Variants in FGF14 observed in about 807,000 individuals in gnomAD.
FGF14 encodes the protein fibroblast growth factor homologous factor 4.
A neutral mutation model predicts 25.5 loss-of-function variants in FGF14; 5 were observed. The observed-to-expected ratio is 0.20, with a 90% confidence interval of 0.10 to 0.41. The LOEUF (loss-of-function observed/expected upper bound fraction) is 0.41, where lower values mean the gene tolerates loss of function less well. Among genes scored for constraint, FGF14 ranks in the 10% least tolerant of loss-of-function variants. The pLI, the probability that FGF14 is intolerant of heterozygous loss-of-function variation, is 1.00. For missense variants in FGF14, 222 were observed against 320.1 expected (o/e 0.69, Z 2.34); for synonymous variants, 138 against 118.3 (o/e 1.17, Z -1.08).
chr13:101,922,248 C>T (rs2034054916), intron 1 of FGF14, among the ~76,000 whole-genome samples: 1 of 152,164 alleles, frequency 6.6e-6, no homozygotes, highest in Admixed American at 6.5e-5. Context: ...TCTTTAAGCA[C>T]CAAGACACCT....
chr13:102,243,717 A>G (rs1486335442), intron 1 of FGF14, among the ~76,000 whole-genome samples: 1 of 150,178 alleles, frequency 6.7e-6, no homozygotes, highest in Non-Finnish European at 1.5e-5. Flanking sequence ...AGAGAGTATG[A>G]CAATCCACCA....
chr13:101,973,597 G>A (rs1478943973), intron 1 of FGF14, among the ~76,000 whole-genome samples: 1 of 152,178 alleles, frequency 6.6e-6, no homozygotes, highest in Admixed American at 6.5e-5. Context: ...AGAAATTAGA[G>A]TCCAATGTTT....
At chr13:102,388,842 C>G (rs539175131) in intron 1 of FGF14, among the ~76,000 whole-genome samples, 63 of 152,300 alleles carry the variant, frequency 4.1e-4, no homozygotes, top group African/African-American at 1.5e-3. Flanking sequence ...GAAAAGTTCT[C>G]TAGTTCACTA....
chr13:102,008,430 A>G (rs1481956430), intron 1 of FGF14, among the ~76,000 whole-genome samples: 3 of 152,184 alleles, frequency 2.0e-5, no homozygotes, highest in Non-Finnish European at 4.4e-5. Context: ...GCACTTCCTA[A>G]GGCATCTGTG....
At chr13:102,197,977 T>C (rs556681116) in intron 1 of FGF14, among the ~76,000 whole-genome samples, 43 of 152,384 alleles carry the variant, frequency 2.8e-4, no homozygotes, top group African/African-American at 9.4e-4. Flanking sequence ...TCAGAAATCA[T>C]GGCGAAGCAA....
intron 1 of FGF14, among the ~76,000 whole-genome samples, chr13:101,887,347 C>CATAT (rs1286919794): frequency 8.4e-5 from 12 of 142,860 alleles, no homozygotes; most frequent in African/African-American, 3.1e-4. Flanking sequence ...TATATATATA[C>CATAT]ACACACACAC....
chr13:101,951,071 C>T (rs2036140086), intron 1 of FGF14, among the ~76,000 whole-genome samples: 1 of 152,040 alleles, frequency 6.6e-6, no homozygotes, highest in Non-Finnish European at 1.5e-5. Context: ...ATAGCTAGAG[C>T]TACAGCATGG....
chr13:102,283,292 T>C (rs1350396863), intron 1 of FGF14, among the ~76,000 whole-genome samples: 1 of 152,208 alleles, frequency 6.6e-6, no homozygotes, highest in East Asian at 1.9e-4. Flanking sequence ...AAATGTAGCC[T>C]TTAGCGACAT....
At chr13:102,234,043 G>A (rs557730170) in intron 1 of FGF14, among the ~76,000 whole-genome samples, 1 of 152,290 alleles carries the variant, frequency 6.6e-6, no homozygotes, top group African/African-American at 2.4e-5. Flanking sequence ...AGGGACTGGG[G>A]AAAGTGGAGA....
At chr13:102,151,234 T>TA (rs1377244575) in intron 1 of FGF14, among the ~76,000 whole-genome samples, 1 of 152,158 alleles carries the variant, frequency 6.6e-6, no homozygotes, top group African/African-American at 2.4e-5. Context: ...TAATGAGGTA[T>TA]ATGCCATGGA....
intron 1 of FGF14, among the ~76,000 whole-genome samples, chr13:102,040,869 T>C (rs2041698252): frequency 6.6e-6 from 1 of 152,098 alleles, no homozygotes. Flanking sequence ...TTGCAAAGAG[T>C]TTAAGATGCT....
At position 101,887,907 on chromosome 13, in the gene FGF14, C is replaced by A. The variant is rs372811333; in HGVS notation, c.194-12611G>T. 3.9e-5 allele frequency among the ~76,000 whole-genome samples: 6 copies of A among 152,172 alleles called. No individual in the cohort carries two copies. In the South Asian group the frequency reaches 6.2e-4, roughly 16 times the overall value. ...ACAATAAAAATGCTTGCTATAGATA[C>A]AAATTGTTAACATCTGGTCATTTTA... On this transcript the variant is annotated intron_variant, in intron 1 of 4. Coordinates refer to ENST00000376143, the MANE Select transcript of FGF14 (RefSeq NM_004115.4).
intron 1 of FGF14, among the ~76,000 whole-genome samples, chr13:102,228,054 T>A (rs533030793): frequency 2.0e-5 from 3 of 152,332 alleles, no homozygotes; most frequent in South Asian, 2.1e-4. Flanking sequence ...AACGTTTATG[T>A]TGACCAACAT....
At chr13:102,327,303 A>C (rs958658724) in intron 1 of FGF14, among the ~76,000 whole-genome samples, 3 of 152,204 alleles carry the variant, frequency 2.0e-5, no homozygotes, top group African/African-American at 7.2e-5. Flanking sequence ...CTTGGCAGGG[A>C]GCAGTGGGTC....
At chr13:102,136,109 T>C (rs1171213198) in intron 1 of FGF14, among the ~76,000 whole-genome samples, 1 of 151,828 alleles carries the variant, frequency 6.6e-6, no homozygotes, top group Non-Finnish European at 1.5e-5. Flanking sequence ...AGCTTAATGA[T>C]AATGATAGGA....
intron 3 of FGF14, among the ~76,000 whole-genome samples, chr13:101,787,727 A>T (rs990071036): frequency 6.6e-6 from 1 of 152,118 alleles, no homozygotes; most frequent in Non-Finnish European, 1.5e-5. Context: ...GTATGTAAGC[A>T]TCTTTCCAGT....
At chr13:101,858,208 T>C (rs1383407042) in intron 3 of FGF14, among the ~76,000 whole-genome samples, 2 of 141,050 alleles carry the variant, frequency 1.4e-5, no homozygotes, top group Admixed American at 1.5e-4. Flanking sequence ...CTCCCAGAAG[T>C]AGGAAGAAGA....
At chr13:101,943,334 G>C (rs1301690571) in intron 1 of FGF14, among the ~76,000 whole-genome samples, 6 of 152,146 alleles carry the variant, frequency 3.9e-5, no homozygotes, top group Non-Finnish European at 8.8e-5. Flanking sequence ...AGAGAGGCAT[G>C]GTCGAAAGAC....
At chr13:101,758,343 A>C (rs1408265528) in intron 3 of FGF14, among the ~76,000 whole-genome samples, 1 of 152,212 alleles carries the variant, frequency 6.6e-6, no homozygotes, top group Non-Finnish European at 1.5e-5. Flanking sequence ...CTGGGGACAG[A>C]GTAGGAGCGA....
Sources: allele counts gnomAD v4.1 joint callset (sites outside exome capture counted in the v4.1 genomes callset), GRCh38; gene constraint gnomAD v4.1.1; transcripts MANE v1.5; gene names NCBI Gene and HGNC (gene_info 2026-07-23, HGNC 2026-07-21).